Variants in SSBP2 observed in about 807,000 individuals in gnomAD.
SSBP2 encodes the protein single-stranded DNA-binding protein 2.
SSBP2 carries 17 observed loss-of-function variants against 61.8 expected under a neutral mutation model. That is an observed-to-expected ratio of 0.28 (90% CI 0.19 to 0.41). SSBP2 has a LOEUF of 0.41. SSBP2 is among the 10% of genes least tolerant of loss of function. The pLI is 1.00. For missense variants in SSBP2, 310 were observed against 458.7 expected (o/e 0.68, Z 2.96); for synonymous variants, 139 against 141.3 (o/e 0.98, Z 0.12).
intron 1 of SSBP2, among the ~76,000 whole-genome samples, chr5:81,729,715 C>CT (rs1395176098): frequency 6.6e-6 from 1 of 151,774 alleles, no homozygotes; most frequent in Non-Finnish European, 1.5e-5. Context: ...CATATTTTTG[C>CT]TTTTTTAACC....
In SSBP2 at chr5:81,471,783, T is replaced by A. The variant is rs200490031; in HGVS notation, c.570+1917A>T. 5.1e-4 allele frequency among the ~76,000 whole-genome samples: 78 copies of A among 152,072 alleles called. 3 individuals carry two copies. In the South Asian group the frequency reaches 6.2e-3, roughly 12 times the overall value. ...TTTGAGGCTGCCACATATATTTACGTGACACCATTTGTTCCTCTTTCCTTG... is the reference window on the plus strand; with the variant it reads ...TTTGAGGCTGCCACATATATTTACGAGACACCATTTGTTCCTCTTTCCTTG... On this transcript the variant is annotated intron_variant, in intron 8 of 16. Coordinates refer to ENST00000320672, the MANE Select transcript of SSBP2 (RefSeq NM_012446.5).
At chr5:81,531,331 T>C (rs1352668748) in intron 4 of SSBP2, among the ~76,000 whole-genome samples, 1 of 151,070 alleles carries the variant, frequency 6.6e-6, no homozygotes, top group Non-Finnish European at 1.5e-5. Flanking sequence ...GAGGAAAAGA[T>C]ACTGAATTTC....
intron 4 of SSBP2, among the ~76,000 whole-genome samples, chr5:81,517,489 A>G (rs1769127979): frequency 6.6e-6 from 1 of 151,792 alleles, no homozygotes; most frequent in African/African-American, 2.4e-5. Flanking sequence ...GTGTTCTCAA[A>G]TCAATTAAAG....
intron 5 of SSBP2, among the ~76,000 whole-genome samples, chr5:81,504,963 C>A (rs1264364693): frequency 6.6e-6 from 1 of 152,210 alleles, no homozygotes; most frequent in African/African-American, 2.4e-5. Context: ...TACTCCCTAC[C>A]CCCAAGAATT....
Position 81,713,396 on chromosome 5 carries a change from C to T in SSBP2, c.62+37585G>A, listed in dbSNP as rs150985164. ...TCTTGGTGGAGATTTTTTTAATGGT[C>T]TTATTATTACTAAAAAACATAAGGC... is the stretch of plus-strand genomic sequence containing the variant. On this transcript the variant is annotated intron_variant, in intron 1 of 16. Coordinates refer to ENST00000320672, the MANE Select transcript of SSBP2 (RefSeq NM_012446.5). 4.7e-3 allele frequency among the ~76,000 whole-genome samples: 715 copies of T among 151,834 alleles called. 5 individuals are homozygous for T. The highest frequency in any genetic ancestry group is 0.016 in the African/African-American group (679 of 41,386).
intron 5 of SSBP2, among the ~76,000 whole-genome samples, chr5:81,509,328 G>A (rs1423495349): frequency 3.3e-5 from 5 of 152,132 alleles, no homozygotes; most frequent in Admixed American, 2.0e-4. Flanking sequence ...CTCCAACACA[G>A]GTTCTCCAGA....
chr5:81,497,605 G>C (rs1431469953), intron 5 of SSBP2, among the ~76,000 whole-genome samples: 1 of 152,136 alleles, frequency 6.6e-6, no homozygotes, highest in African/African-American at 2.4e-5. Flanking sequence ...AGTATGTCTA[G>C]AGGAAGAAAT....
intron 4 of SSBP2, among the ~76,000 whole-genome samples, chr5:81,555,992 C>T (rs936026519): frequency 6.6e-6 from 1 of 152,008 alleles, no homozygotes; most frequent in Admixed American, 6.6e-5. Flanking sequence ...CCATTTAGAT[C>T]TGATATTCTA....
intron 1 of SSBP2, among the ~76,000 whole-genome samples, chr5:81,706,914 A>G (rs1754435294): frequency 6.6e-6 from 1 of 152,188 alleles, no homozygotes. Flanking sequence ...TGACACACAG[A>G]CTTACTTGAA....
At chr5:81,568,672 G>A (rs1237086101) in intron 4 of SSBP2, among the ~76,000 whole-genome samples, 1 of 152,036 alleles carries the variant, frequency 6.6e-6, no homozygotes, top group Non-Finnish European at 1.5e-5. Flanking sequence ...ATTATAAAAA[G>A]AACATAAAGT....
chr5:81,597,352 G>GA (rs1169277009), intron 4 of SSBP2, among the ~76,000 whole-genome samples: 2 of 152,134 alleles, frequency 1.3e-5, no homozygotes, highest in Non-Finnish European at 2.9e-5. Context: ...TTAAAGTCAG[G>GA]AAACAACAGG....
intron 2 of SSBP2, among the ~76,000 whole-genome samples, chr5:81,639,674 A>G (rs890973999): frequency 6.6e-6 from 1 of 152,114 alleles, no homozygotes; most frequent in African/African-American, 2.4e-5. Context: ...TTTTTAGCTT[A>G]AATCATAAAA....
intron 1 of SSBP2, among the ~76,000 whole-genome samples, chr5:81,703,304 T>C (rs1269791775): frequency 6.6e-6 from 1 of 152,188 alleles, no homozygotes; most frequent in Non-Finnish European, 1.5e-5. Flanking sequence ...GTCATGGTAT[T>C]ACAGGACACA....
At chr5:81,663,430 G>C (rs1750858732) in intron 1 of SSBP2, among the ~76,000 whole-genome samples, 1 of 152,010 alleles carries the variant, frequency 6.6e-6, no homozygotes, top group African/African-American at 2.4e-5. Flanking sequence ...TCACAGAAAA[G>C]ATTTTTTAAC....
chr5:81,741,443 T>C (rs908317995), intron 1 of SSBP2, among the ~76,000 whole-genome samples: 8 of 152,200 alleles, frequency 5.3e-5, no homozygotes, highest in Non-Finnish European at 1.2e-4. Flanking sequence ...ACGTACTTAA[T>C]GCCACTGAAC....
chr5:81,681,153 A>G (rs1752349807), intron 1 of SSBP2, among the ~76,000 whole-genome samples: 1 of 152,216 alleles, frequency 6.6e-6, no homozygotes, highest in Non-Finnish European at 1.5e-5. Flanking sequence ...GAGGTTAAAC[A>G]ATGCACTTCT....
At chr5:81,573,915 C>T (rs1269139476) in intron 4 of SSBP2, among the ~76,000 whole-genome samples, 2 of 151,858 alleles carry the variant, frequency 1.3e-5, no homozygotes, top group Middle Eastern at 3.2e-3. Flanking sequence ...CCGAGGCAGG[C>T]GAATCACAAG....
At chr5:81,630,735 G>T (rs551597033) in intron 3 of SSBP2, among the ~76,000 whole-genome samples, 1 of 149,056 alleles carries the variant, frequency 6.7e-6, no homozygotes, top group South Asian at 2.1e-4. Context: ...ACATTTAAAA[G>T]CTGCACCGTC....
At chr5:81,623,971 A>G (rs1402331730) in intron 3 of SSBP2, among the ~76,000 whole-genome samples, 1 of 152,216 alleles carries the variant, frequency 6.6e-6, no homozygotes, top group Non-Finnish European at 1.5e-5. Context: ...GCAAAGAAAT[A>G]GAGCCTTTAA....
Sources: gnomAD v4.1 joint callset for allele counts (sites outside exome capture counted in the v4.1 genomes callset) on GRCh38, gnomAD v4.1.1 for gene constraint, MANE v1.5 for transcripts, NCBI Gene and HGNC (gene_info 2026-07-23, HGNC 2026-07-21) for gene names.